The following CPQ variants were observed in gnomAD, a reference collection of about 807,000 sequenced individuals.
CPQ encodes the protein carboxypeptidase Q.
Under a neutral mutation model 45.7 loss-of-function variants are expected in CPQ, and 37 were observed. The ratio of observed to expected loss-of-function variants is 0.81; its 90% CI spans 0.62 to 1.07. The LOEUF is 1.07. Among genes scored for constraint, CPQ ranks in the 50% least tolerant of loss-of-function variants. The probability of loss-of-function intolerance (pLI) is 0.00; values close to 1 mark genes in which losing one functional copy is unlikely to be tolerated. For synonymous variants in CPQ, 186 were observed against 205.8 expected (o/e 0.90, Z 0.82); for missense variants, 537 against 572.9 (o/e 0.94, Z 0.64).
intron 2 of CPQ, among the ~76,000 whole-genome samples, chr8:96,794,183 C>A (rs1586403485): frequency 6.6e-6 from 1 of 152,168 alleles, no homozygotes; most frequent in Non-Finnish European, 1.5e-5. Context: ...TCCATGAGAG[C>A]AATGCCCCTA....
intron 4 of CPQ, among the ~76,000 whole-genome samples, chr8:96,881,160 G>A (rs148249945): frequency 1.3e-5 from 2 of 152,072 alleles, no homozygotes; most frequent in Non-Finnish European, 2.9e-5. Flanking sequence ...TATATTTTCT[G>A]TATTAGTCCA....
intron 3 of CPQ, among the ~76,000 whole-genome samples, chr8:96,852,991 C>A (rs890127779): frequency 3.3e-5 from 5 of 152,200 alleles, no homozygotes; most frequent in African/African-American, 9.7e-5. Flanking sequence ...GCTTCCCAGA[C>A]CCCTGTGGGC....
chr8:96,854,752 T>C (rs920109857), intron 3 of CPQ, among the ~76,000 whole-genome samples: 1 of 152,124 alleles, frequency 6.6e-6, no homozygotes, highest in Non-Finnish European at 1.5e-5. Context: ...CCAAGTGAGC[T>C]AATGCTTTAG....
At chr8:96,715,343 C>G (rs1366649865) in intron 1 of CPQ, among the ~76,000 whole-genome samples, 2 of 152,130 alleles carry the variant, frequency 1.3e-5, no homozygotes, top group African/African-American at 4.8e-5. Context: ...TACTCCTGAC[C>G]CAGTGTTCTA....
At chr8:96,754,039 C>T (rs1810297303) in intron 1 of CPQ, among the ~76,000 whole-genome samples, 2 of 151,884 alleles carry the variant, frequency 1.3e-5, no homozygotes, top group South Asian at 4.1e-4. Flanking sequence ...TAATATTAAA[C>T]AATCCTTGCA....
chr8:96,913,436 TAAATG>T (rs775808490), intron 4 of CPQ, among the ~76,000 whole-genome samples: 16 of 152,302 alleles, frequency 1.1e-4, no homozygotes, highest in Admixed American at 7.8e-4. Flanking sequence ...AATTAATTCT[TAAATG>T]AAAGTGAGAG....
At position 96,789,585 on chromosome 8, in the gene CPQ, A is replaced by G. The variant is rs184333387; in HGVS notation, c.433+4255A>G. 4.2e-4 allele frequency among the ~76,000 whole-genome samples: 64 copies of G among 152,302 alleles called. 1 individual carries two copies. The East Asian group carries it at 0.012, about 28-fold the overall frequency. ...TTTATGGCTTGGAGTCTGTTATTAC[A>G]ACTTAAGAAGTTTGTTTTTTCCCCC... On this transcript the variant is annotated intron_variant, in intron 2 of 7. Coordinates refer to ENST00000220763, the MANE Select transcript of CPQ (RefSeq NM_016134.4).
At chr8:96,783,049 C>T (rs189504016) in intron 1 of CPQ, among the ~76,000 whole-genome samples, 2 of 152,244 alleles carry the variant, frequency 1.3e-5, no homozygotes, top group East Asian at 3.9e-4. Context: ...TAAGAAGTTC[C>T]CGACTTTCTC....
At chr8:96,681,007 C>T (rs566094223) in intron 1 of CPQ, among the ~76,000 whole-genome samples, 1 of 152,190 alleles carries the variant, frequency 6.6e-6, no homozygotes, top group South Asian at 2.1e-4. Flanking sequence ...AGCAGCAAAA[C>T]ATTCAAGAAG....
intron 4 of CPQ, among the ~76,000 whole-genome samples, chr8:96,952,071 T>A (rs1813274659): frequency 6.6e-6 from 1 of 152,096 alleles, no homozygotes; most frequent in Non-Finnish European, 1.5e-5. Flanking sequence ...AACTTGCTCA[T>A]GTCAAGGTGG....
At chr8:96,758,182 A>G (rs1283151540) in intron 1 of CPQ, among the ~76,000 whole-genome samples, 3 of 152,190 alleles carry the variant, frequency 2.0e-5, no homozygotes, top group Non-Finnish European at 4.4e-5. Context: ...TCTTTTAGCA[A>G]AAGTAAAATA....
chr8:97,004,185 A>G (rs2130429159), intron 5 of CPQ, among the ~76,000 whole-genome samples: 1 of 152,224 alleles, frequency 6.6e-6, no homozygotes, highest in African/African-American at 2.4e-5. Flanking sequence ...TAATATCCTT[A>G]ATACATAAAA....
intron 1 of CPQ, among the ~76,000 whole-genome samples, chr8:96,742,804 C>T (rs1810111544): frequency 1.3e-5 from 2 of 152,086 alleles, no homozygotes; most frequent in South Asian, 2.1e-4. Flanking sequence ...AATATTGGCC[C>T]TCACTCTCTT....
chr8:96,998,404 G>A (rs945594804), intron 5 of CPQ, among the ~76,000 whole-genome samples: 2 of 151,774 alleles, frequency 1.3e-5, no homozygotes, highest in South Asian at 2.1e-4. Context: ...ATTGGATCAC[G>A]GAAATTAGAA....
chr8:96,736,380 A>G (rs145973820), intron 1 of CPQ, among the ~76,000 whole-genome samples: 2 of 152,288 alleles, frequency 1.3e-5, no homozygotes, highest in East Asian at 1.9e-4. Context: ...ATCCTGGGGA[A>G]CTGCTTATGT....
chr8:96,821,849 A>G (rs142898551), intron 2 of CPQ, among the ~76,000 whole-genome samples: 2 of 152,116 alleles, frequency 1.3e-5, no homozygotes, highest in African/African-American at 4.8e-5. Flanking sequence ...TTTGATATGT[A>G]TGTACACTGT....
chr8:97,123,024 T>TAAATA (rs71271115), intron 7 of CPQ, among the ~76,000 whole-genome samples: 15,776 of 26,290 alleles, frequency 0.6, 5,512 homozygotes, highest in Middle Eastern at 0.81. Context: ...TAAAATAAAA[T>TAAATA]AAATAAAATA....
At chr8:97,072,475 A>G (rs1176955665) in intron 7 of CPQ, among the ~76,000 whole-genome samples, 6 of 152,186 alleles carry the variant, frequency 3.9e-5, no homozygotes, top group Admixed American at 6.5e-5. Context: ...GTATGGAAAC[A>G]AACAAATGAA....
At chr8:96,942,963 A>G (rs936930702) in intron 4 of CPQ, among the ~76,000 whole-genome samples, 3 of 152,154 alleles carry the variant, frequency 2.0e-5, no homozygotes, top group Non-Finnish European at 4.4e-5. Context: ...AGACATTCCT[A>G]TGATGTACTT....
Sources: gnomAD v4.1 joint callset for allele counts (sites outside exome capture counted in the v4.1 genomes callset) on GRCh38, gnomAD v4.1.1 for gene constraint, MANE v1.5 for transcripts, NCBI Gene and HGNC (gene_info 2026-07-23, HGNC 2026-07-21) for gene names.